CRYBA4: variants seen among roughly 807,000 people sequenced by gnomAD.
CRYBA4 encodes beta-crystallin A4.
Under a neutral mutation model 31.7 loss-of-function variants are expected in CRYBA4, and 30 were observed. The ratio of observed to expected loss-of-function variants is 0.95; its 90% CI spans 0.71 to 1.28. CRYBA4 has a LOEUF of 1.28. CRYBA4 is among the 50% of genes most tolerant of loss of function. The pLI is 0.00. For synonymous variants in CRYBA4, 102 were observed against 102.3 expected, an observed-to-expected ratio of 1.00 and a Z score of 0.02; for missense variants, 225 against 260.7, an observed-to-expected ratio of 0.86 and a Z score of 0.94.
chr22:26,602,142 C>G, the CRYBA4 span: 1 of 1,243,116 alleles, frequency 8.0e-7, no homozygotes, highest in Non-Finnish European at 1.1e-6. Context: ...CTGGGGGACT[C>G]TCCAGGGACC....
intron 3 of CRYBA4, among the ~76,000 whole-genome samples, chr22:26,624,101 A>G (rs575839418): frequency 9.8e-5 from 15 of 152,382 alleles, no homozygotes; most frequent in South Asian, 6.2e-4. Flanking sequence ...GAAAGCAGGT[A>G]GAAAGGAGAT....
At chr22:26,607,857 G>T in the CRYBA4 span, 1 of 1,613,934 alleles carries the variant, frequency 6.2e-7, no homozygotes, top group South Asian at 1.1e-5. Flanking sequence ...CCGCCTGGCT[G>T]ATTCTCCAGC....
the CRYBA4 span, among the ~76,000 whole-genome samples, chr22:26,592,201 T>A: frequency 6.6e-6 from 1 of 152,200 alleles, no homozygotes; most frequent in Non-Finnish European, 1.5e-5. Flanking sequence ...GGGTGTTTTA[T>A]AATGTCCTTT....
chr22:26,595,291 G>A, the CRYBA4 span, among the ~76,000 whole-genome samples: 1 of 152,142 alleles, frequency 6.6e-6, no homozygotes, highest in African/African-American at 2.4e-5. Context: ...TAAAATGCCT[G>A]TGAGGCCAGG....
chr22:26,599,806 C>G, the CRYBA4 span: 1 of 757,758 alleles, frequency 1.3e-6, no homozygotes, highest in African/African-American at 1.7e-5. Flanking sequence ...CTGGCTATAT[C>G]CCTTCCTGCT....
intron 5 of CRYBA4, among the ~76,000 whole-genome samples, 199 bp from the exon 6 acceptor site, chr22:26,630,141 G>A (rs1929879280): frequency 6.6e-6 from 1 of 152,240 alleles, no homozygotes; most frequent in Non-Finnish European, 1.5e-5. Flanking sequence ...GGAAAAGAAA[G>A]GCTGGGATGG....
In CRYBA4 at chr22:26,625,584, G is replaced by A. The variant is rs372922337; in HGVS notation, c.262G>A (p.Ala88Thr). The A allele has an allele frequency of 1.7e-5, 28 of 1,613,920 alleles. No homozygotes were observed. The highest frequency in any genetic ancestry group is 2.2e-5 in the Non-Finnish European group (26 of 1,179,990). The change falls in exon 4 of 6, where the codon GCC (alanine) becomes ACC (threonine). Residue 88 changes from alanine (A) to threonine (T), a missense_variant. Transcript: ENST00000354760. ...CTGGGGCGGCAACACGGCCTACCCC[G>A]CCGAGAGGCTCACCTCCTTCCGGCC... The part of the protein sequence containing the change: ...DAWGGNTAYP[A>T]ERLTSFRPAA...
rs58638498 is a variant in CRYBA4 at position 26,625,907 on chromosome 22, CT to C, written c.300+295del. Among the ~76,000 whole-genome samples the C allele has an allele frequency of 0.032, 4,811 of 149,154 alleles. 148 individuals are homozygous for C. The highest frequency in any genetic ancestry group is 0.078 in the African/African-American group (3,160 of 40,730). ...TAGGAGCCCCTGCCAGTTTTGTGCCCTTTTTTTTTTGTGATTCAGGGACCCT... is the reference window on the plus strand; with the variant it reads ...TAGGAGCCCCTGCCAGTTTTGTGCCCTTTTTTTTTGTGATTCAGGGACCCT... On this transcript the variant is annotated intron_variant, in intron 4 of 5. Coordinates refer to ENST00000354760, the MANE Select transcript of CRYBA4 (RefSeq NM_001886.3).
At chr22:26,630,254 T>G in intron 5 of CRYBA4, 86 bp from the exon 6 acceptor site, 1 of 1,548,934 alleles carries the variant, frequency 6.5e-7, no homozygotes, top group East Asian at 2.3e-5. Context: ...TGGAATTGTG[T>G]GCGTGTGCAT....
Position 26,625,631 on chromosome 22 carries a change from T to C in CRYBA4, c.300+9T>C. The C allele has an allele frequency of 6.2e-7, 1 of 1,613,512 alleles. No homozygotes were observed. On this transcript the variant is annotated intron_variant, in intron 4 of 5. Coordinates refer to ENST00000354760, the MANE Select transcript of CRYBA4 (RefSeq NM_001886.3). ...GGCCTGCGGCCTGTGCTGTAAGTTC[T>C]ACCACTGCTGCATCCCGGGGAGGCC...
chr22:26,599,550 ACG>A, the CRYBA4 span: 1 of 1,614,134 alleles, frequency 6.2e-7, no homozygotes, highest in Non-Finnish European at 8.5e-7. Flanking sequence ...ACTGCTTGTC[ACG>A]CAGGCGACGC....
the CRYBA4 span, among the ~76,000 whole-genome samples, chr22:26,607,184 G>A: frequency 5.3e-5 from 8 of 151,764 alleles, no homozygotes; most frequent in East Asian, 5.8e-4. Context: ...CACCACGCCC[G>A]GCTAATTTTT....
At chr22:26,617,545 G>A (rs1430975109), upstream of CRYBA4, among the ~76,000 whole-genome samples, 1 of 152,020 alleles carries the variant, frequency 6.6e-6, no homozygotes, top group Non-Finnish European at 1.5e-5. Context: ...GCTGGCAGCT[G>A]GACTCATGCC....
At chr22:26,606,586 TGA>T in the CRYBA4 span, among the ~76,000 whole-genome samples, 3 of 152,222 alleles carry the variant, frequency 2.0e-5, no homozygotes, top group African/African-American at 4.8e-5. Context: ...ATTCAATGAT[TGA>T]GAGAGACATC....
At chr22:26,630,252 T>A in intron 5 of CRYBA4, 88 bp from the exon 6 acceptor site, 1 of 1,541,994 alleles carries the variant, frequency 6.5e-7, no homozygotes, top group Non-Finnish European at 8.9e-7. Context: ...GCTGGAATTG[T>A]GTGCGTGTGC....
intron 1 of CRYBA4, 117 bp from the exon 2 acceptor site, chr22:26,622,468 A>C (rs1387742397): frequency 3.6e-6 from 3 of 843,374 alleles, no homozygotes; most frequent in African/African-American, 3.3e-5. Context: ...CATTGCCCCT[A>C]GCCCAGTCAC....
the CRYBA4 span, among the ~76,000 whole-genome samples, chr22:26,593,173 C>T: frequency 6.6e-6 from 1 of 152,304 alleles, no homozygotes; most frequent in South Asian, 2.1e-4. Context: ...TGTCTTCCTC[C>T]CCAACCTATC....
At chr22:26,607,475 T>TGAGGCCAGGAGTTC in the CRYBA4 span, among the ~76,000 whole-genome samples, 1 of 150,650 alleles carries the variant, frequency 6.6e-6, no homozygotes, top group East Asian at 2.0e-4. Flanking sequence ...GAGGATCACT[T>TGAGGCCAGGAGTTC]GAGGCCAGGA....
the CRYBA4 span, chr22:26,596,566 G>A: frequency 1.8e-4 from 27 of 152,208 alleles, no homozygotes; most frequent in Non-Finnish European, 3.5e-4. Context: ...ATTGTGTTAT[G>A]TTTTGATTGG....
Sources: gnomAD v4.1 joint callset for allele counts (sites outside exome capture counted in the v4.1 genomes callset) on GRCh38, gnomAD v4.1.1 for gene constraint, MANE v1.5 for transcripts, NCBI Gene and HGNC (gene_info 2026-07-23, HGNC 2026-07-21) for gene names.